Variants in CLSPN observed in about 807,000 individuals in gnomAD.
CLSPN encodes claspin, also known as claspin homolog.
In CLSPN, 85 loss-of-function variants were observed where a neutral mutation model predicts 156.3. The ratio of observed to expected loss-of-function variants is 0.54; its 90% CI spans 0.46 to 0.65. CLSPN has a LOEUF of 0.65. CLSPN is among the 30% of genes least tolerant of loss of function. The pLI is 0.00. For missense variants in CLSPN, 1,407 were observed against 1,554.9 expected (o/e 0.90, Z 1.60); for synonymous variants, 534 against 542.4 (o/e 0.98, Z 0.22).
chr1:35,760,572 G>T lies in CLSPN; in HGVS notation c.1349C>A (p.Ala450Glu). Reference protein sequence around the residue: ...SEECQVGGLVAFEPHALEGEG... With the variant: ...SEECQVGGLVEFEPHALEGEG... ...ACCCTCCAGGGCATGAGGTTCAAAT[G>T]CTACAAGCCCTCCAACCTGACATTC... The change falls in exon 8 of 25, where the codon GCA (alanine) becomes GAA (glutamate). Residue 450 changes from alanine to glutamate, a missense_variant. Transcript: ENST00000318121. The T allele has an allele frequency of 6.2e-7, 1 of 1,614,174 alleles. No individual in the cohort carries two copies. Among genetic ancestry groups the T allele is most frequent in the Non-Finnish European group, 8.5e-7 (1 of 1,180,026 alleles).
intron 8 of CLSPN, 89 bp downstream of exon 8, chr1:35,760,253 C>T (rs756658298): frequency 1.8e-5 from 18 of 1,010,278 alleles, no homozygotes; most frequent in Non-Finnish European, 2.3e-5. Context: ...ATTGGTTCCT[C>T]CTGTGTTCTC....
chr1:35,723,085 A>T (rs1380629485), intron 24 of CLSPN, among the ~76,000 whole-genome samples: 1 of 152,232 alleles, frequency 6.6e-6, no homozygotes, highest in African/African-American at 2.4e-5. Context: ...AGGGATGTCC[A>T]TGTCCACAGG....
At chr1:35,755,446 T>C (rs1642242128) in intron 8 of CLSPN, among the ~76,000 whole-genome samples, 1 of 152,012 alleles carries the variant, frequency 6.6e-6, no homozygotes, top group South Asian at 2.1e-4. Flanking sequence ...TTTTTATTTT[T>C]ATTTTTAGTA....
chr1:35,732,086 T>G, downstream of CLSPN: 1 of 902,964 alleles, frequency 1.1e-6, no homozygotes, highest in Non-Finnish European at 1.3e-6. Context: ...CATGACTTAG[T>G]ATCCTCATTT....
intron 8 of CLSPN, among the ~76,000 whole-genome samples, chr1:35,755,296 T>TCA (rs1642235618): frequency 6.7e-6 from 1 of 150,266 alleles, no homozygotes; most frequent in Non-Finnish European, 1.5e-5. Flanking sequence ...AGACGGAGTC[T>TCA]CACTCTGTTG....
In CLSPN at chr1:35,761,054, T is replaced by C. The variant is rs979941936; in HGVS notation, c.1004+42A>G. The C allele has an allele frequency of 2.7e-6, 4 of 1,498,986 alleles. No homozygotes were observed. In the African/African-American group the frequency reaches 4.2e-5, roughly 16 times the overall value. The allele number at this position is 1,498,986 out of a possible 1,614,324, so 92.9% of individuals were successfully genotyped here. On this transcript the variant is annotated intron_variant, in intron 7 of 24. Coordinates refer to ENST00000318121, the MANE Select transcript of CLSPN (RefSeq NM_022111.4). ...TTATGCCAGATGTTTGCTACAAAAC[T>C]AAATGTTCATGAAAATTATAATAAG...
intron 1 of CLSPN, among the ~76,000 whole-genome samples, chr1:35,765,563 GA>G (rs1424638530): frequency 1.2e-4 from 18 of 152,094 alleles, no homozygotes; most frequent in Middle Eastern, 3.4e-3. Flanking sequence ...AAAAAAAAAT[GA>G]AAAGAATCAA....
downstream of CLSPN, among the ~76,000 whole-genome samples, chr1:35,728,701 T>TG (rs1557493464): frequency 5.7e-4 from 87 of 152,266 alleles, 1 homozygote; most frequent in African/African-American, 2.1e-3. Flanking sequence ...GCTGGAAAGA[T>TG]AGAGAAAACT....
In CLSPN at chr1:35,764,836, T is replaced by C. The variant is rs181832433; in HGVS notation, c.134-122A>G. On this transcript the variant is annotated intron_variant, in intron 2 of 24. Transcript: ENST00000318121. Reference sequence around the variant, plus strand: ...ACATTGTGAAATTACGTGACTACTGTTAAGAACTGATTGTAGCAAAGCAAA... The same window carrying C: ...ACATTGTGAAATTACGTGACTACTGCTAAGAACTGATTGTAGCAAAGCAAA... 29 of 617,974 alleles carry C rather than the reference T, an allele frequency of 4.7e-5. No homozygotes were observed. The African/African-American group carries it at 5.3e-4, about 11-fold the overall frequency. The allele number at this position is 617,974 out of a possible 1,614,324, so 38.3% of individuals were successfully genotyped here.
intron 1 of CLSPN, among the ~76,000 whole-genome samples, chr1:35,765,854 C>T (rs1450969142): frequency 6.6e-6 from 1 of 152,052 alleles, no homozygotes; most frequent in African/African-American, 2.4e-5. Context: ...AATTTGAATC[C>T]TATCAAGTCT....
At chr1:35,758,894 G>A (rs897621300) in intron 8 of CLSPN, among the ~76,000 whole-genome samples, 1 of 149,010 alleles carries the variant, frequency 6.7e-6, no homozygotes, top group African/African-American at 2.5e-5. Context: ...TCAGCCTCCC[G>A]AGTAGCTGGA....
intron 12 of CLSPN, 192 bp from the exon 13 acceptor site, chr1:35,748,796 T>C (rs1334857731): frequency 1.7e-6 from 1 of 602,358 alleles, no homozygotes; most frequent in Non-Finnish European, 3.0e-6. Context: ...CTTATTACTC[T>C]GAGCTAAGTG....
At chr1:35,726,152 C>CAAAAAAAAAAA (rs3041363) in intron 24 of CLSPN, among the ~76,000 whole-genome samples, 1,621 of 48,200 alleles carry the variant, frequency 0.034, 612 homozygotes, top group Non-Finnish European at 0.049. Flanking sequence ...CAGATGCAGA[C>CAAAAAAAAAAA]AAAAAAAAAA....
Position 35,746,732 on chromosome 1 carries a change from G to T in CLSPN, c.2854+34C>A. On this transcript the variant is annotated intron_variant, in intron 15 of 24. Transcript: ENST00000318121. This position sits in a 1 kb window ranked among gnomAD's most constrained non-coding sequence, Gnocchi z 4.2. Reference sequence around the variant, plus strand: ...TTTTCAAGGGCACTGATACTTGGGTGTGGTAAGCTTGATACTCTCGGTTGG... The same window carrying T: ...TTTTCAAGGGCACTGATACTTGGGTTTGGTAAGCTTGATACTCTCGGTTGG... 1 of 1,422,332 alleles carries T rather than the reference G, an allele frequency of 7.0e-7. No homozygotes were observed. The highest frequency in any genetic ancestry group is 9.9e-7 in the Non-Finnish European group (1 of 1,005,726). The allele number at this position is 1,422,332 out of a possible 1,614,324, so 88.1% of individuals were successfully genotyped here.
chr1:35,742,275 C>A (rs1294683030), intron 18 of CLSPN, among the ~76,000 whole-genome samples: 1 of 152,178 alleles, frequency 6.6e-6, no homozygotes, highest in East Asian at 1.9e-4. Flanking sequence ...GCCTCTGCTG[C>A]CTTCTAGCTA....
chr1:35,762,622 C>T, intron 4 of CLSPN, 141 bp from the exon 5 acceptor site: 1 of 662,360 alleles, frequency 1.5e-6, no homozygotes, highest in Non-Finnish European at 2.7e-6. Flanking sequence ...TTATTAAACA[C>T]ACAGCATCCT....
chr1:35,739,233 C>T lies in CLSPN; in HGVS notation c.3333G>A (p.Lys1111=). Residue 1111 remains lysine (K), a synonymous_variant, in exon 20 of 25, where the codon AAG becomes AAA. Transcript: ENST00000318121. The part of the protein sequence containing the change: ...IHMKTMLDDD[K]RQLRLYQERY... ...TCTCTTGGTATAAACGTAGCTGTCGCTTATCATCATCCAACATAGTTTTCC... is the reference window on the plus strand; with the variant it reads ...TCTCTTGGTATAAACGTAGCTGTCGTTTATCATCATCCAACATAGTTTTCC... 6.2e-7 allele frequency: 1 copy of T among 1,614,202 alleles called. No homozygotes were observed. Among genetic ancestry groups the T allele is most frequent in the Non-Finnish European group, 8.5e-7 (1 of 1,180,036 alleles).
Position 35,769,863 on chromosome 1 carries a change from C to T in CLSPN, c.8G>A (p.Gly3Asp), listed in dbSNP as rs28581749. The T allele has an allele frequency of 1.9e-6, 3 of 1,609,022 alleles. No homozygotes were observed. Among genetic ancestry groups the T allele is most frequent in the South Asian group, 2.2e-5 (2 of 90,342 alleles). Residue 3 changes from glycine (G) to aspartate (D), a missense_variant, in exon 1 of 25, where the codon GGC (glycine) becomes GAC (aspartate). Coordinates refer to ENST00000318121, the MANE Select transcript of CLSPN (RefSeq NM_022111.4). MT[G>D]EVGSEVHLEI... ...TAAACTCACCTCAGAACCCACCTCG[C>T]CTGTCATGACTTCTGCCTCCCCTGC...
intron 24 of CLSPN, among the ~76,000 whole-genome samples, chr1:35,724,893 T>G (rs1641144466): frequency 6.6e-6 from 1 of 152,218 alleles, no homozygotes; most frequent in Non-Finnish European, 1.5e-5. Context: ...GTAAAGTGCC[T>G]CTTTAGTCTA....
Sources: gnomAD v4.1 joint callset for allele counts (sites outside exome capture counted in the v4.1 genomes callset) on GRCh38, gnomAD v4.1.1 for gene constraint, Gnocchi (gnomAD v3.1) non-coding constraint, MANE v1.5 for transcripts, NCBI Gene and HGNC (gene_info 2026-07-23, HGNC 2026-07-21) for gene names.